The following DUSP15 variants were observed in gnomAD, a reference collection of about 807,000 sequenced individuals.
The protein encoded by DUSP15 is dual specificity protein phosphatase 15.
Under a neutral mutation model 26.3 loss-of-function variants are expected in DUSP15, and 23 were observed. That is an observed-to-expected ratio of 0.87 (90% confidence interval 0.63 to 1.24). The LOEUF (loss-of-function observed/expected upper bound fraction) is 1.24. DUSP15 is among the 50% of genes most tolerant of loss of function. The pLI, the probability that DUSP15 is intolerant of heterozygous loss-of-function variation, is 0.00. For missense variants in DUSP15, 364 were observed against 320.6 expected, an observed-to-expected ratio of 1.14 and a Z score of -1.03; for synonymous variants, 143 against 135.5, an observed-to-expected ratio of 1.06 and a Z score of -0.39.
chr20:31,848,312 C>G, exon 10 of DUSP15: 1 of 1,407,066 alleles, frequency 7.1e-7, no homozygotes, highest in Non-Finnish European at 9.5e-7. Flanking sequence ...TCCGGCAGAC[C>G]TGGGTGATGT....
chr20:31,867,653 T>G (rs1457077787), intron 2 of DUSP15, among the ~76,000 whole-genome samples: 2 of 100,372 alleles, frequency 2.0e-5, no homozygotes, highest in East Asian at 8.9e-4. Flanking sequence ...TTTTTTTTTT[T>G]TTTTTTTTTG....
At chr20:31,860,347 G>A (rs2062623838), downstream of DUSP15, among the ~76,000 whole-genome samples, 1 of 152,186 alleles carries the variant, frequency 6.6e-6, no homozygotes, top group Non-Finnish European at 1.5e-5. Flanking sequence ...AGCTATTTTC[G>A]ATCCCTCTCA....
chr20:31,858,225 C>T (rs1029811096), downstream of DUSP15, among the ~76,000 whole-genome samples: 3 of 152,156 alleles, frequency 2.0e-5, no homozygotes, highest in Non-Finnish European at 2.9e-5. The surrounding 1 kb of genome is among the most constrained non-coding windows in gnomAD (Gnocchi z 4.4). Flanking sequence ...GGGTCTTGCC[C>T]GCATCCTCCC....
exon 10 of DUSP15, chr20:31,848,226 G>C (rs1413955730): frequency 1.6e-5 from 9 of 575,560 alleles, no homozygotes; most frequent in Non-Finnish European, 2.3e-5. Context: ...ATGCCCAGCT[G>C]GGGGGCGGTG....
chr20:31,861,701 G>T, intron 6 of DUSP15, 26 bp from the exon 7 acceptor site: 12 of 1,261,694 alleles, frequency 9.5e-6, no homozygotes, highest in Non-Finnish European at 1.2e-5. Context: ...GAGGTGGGCG[G>T]GGTCAAGGCC....
At chr20:31,861,738 G>GGGGCCCCCCCCCCC in intron 6 of DUSP15, 63 bp from the exon 7 acceptor site, 1 of 1,290,718 alleles carries the variant, frequency 7.7e-7, no homozygotes, top group Non-Finnish European at 1.0e-6. Flanking sequence ...AAGGCAGCCG[G>GGGGCCCCCCCCCCC]CCCCGCCCCC....
chr20:31,851,589 G>C (rs2062471878), intron 6 of DUSP15, among the ~76,000 whole-genome samples: 2 of 152,136 alleles, frequency 1.3e-5, no homozygotes, highest in Non-Finnish European at 2.9e-5. Context: ...AGGAGAGGTA[G>C]AAAAAGGTGG....
rs1305890064 is a variant in DUSP15 at position 31,861,559 on chromosome 20, G to A, written c.552C>T (p.Ser184=). 51 of 1,503,124 alleles carry A rather than the reference G, an allele frequency of 3.4e-5. No homozygotes were observed. The highest frequency in any genetic ancestry group is 4.3e-5 in the Non-Finnish European group (49 of 1,134,302). The allele number at this position is 1,503,124 out of a possible 1,614,324, so 93.1% of individuals were successfully genotyped here. A position where few individuals can be genotyped will look rare whatever the true frequency, so the allele number is the denominator to read the frequency against. ...AGGCTGCTGAGTGCGGCCCGGCGGA[G>A]GAGGCCGAGGTCGCGGAGCCCTGCC... ...RCRQGSATSA[S]SAGPHSAASE... The change falls in exon 7 of 7, where the codon TCC becomes TCT. Residue 184 remains serine (S), a synonymous_variant. Transcript: ENST00000339738.
intron 6 of DUSP15, among the ~76,000 whole-genome samples, chr20:31,853,893 C>T (rs79600770): frequency 2.6e-5 from 4 of 152,170 alleles, no homozygotes; most frequent in South Asian, 2.1e-4. Flanking sequence ...TGTGAGTTAC[C>T]GTGCCCAGCC....
chr20:31,867,974 G>C (rs1423234556), intron 2 of DUSP15, among the ~76,000 whole-genome samples: 1 of 152,208 alleles, frequency 6.6e-6, no homozygotes, highest in Non-Finnish European at 1.5e-5. Context: ...TAAGGATACA[G>C]AATAAGCTTC....
chr20:31,857,180 G>T (rs1211368549), downstream of DUSP15, among the ~76,000 whole-genome samples: 4 of 152,084 alleles, frequency 2.6e-5, no homozygotes, highest in African/African-American at 4.8e-5. Flanking sequence ...TGACTTTGGT[G>T]TTTGGGGTGG....
At chr20:31,852,353 C>T (rs1276654624) in intron 6 of DUSP15, among the ~76,000 whole-genome samples, 5 of 152,170 alleles carry the variant, frequency 3.3e-5, no homozygotes, top group Non-Finnish European at 5.9e-5. Flanking sequence ...GTGGTCTAGG[C>T]GTCCTAAATT....
downstream of DUSP15, among the ~76,000 whole-genome samples, chr20:31,857,709 C>T (rs1163570030): frequency 1.3e-5 from 2 of 152,194 alleles, no homozygotes; most frequent in African/African-American, 4.8e-5. Flanking sequence ...TGGCATGCTC[C>T]CACCATCCTC....
intron 9 of DUSP15, chr20:31,848,738 T>G (rs1600427583): frequency 1.3e-6 from 2 of 1,516,868 alleles, no homozygotes; most frequent in Non-Finnish European, 8.9e-7. Flanking sequence ...CTGGAGGGAG[T>G]GTGGGAAGGG....
intron 3 of DUSP15, among the ~76,000 whole-genome samples, chr20:31,866,654 T>TG (rs1410086299): frequency 2.6e-5 from 4 of 152,164 alleles, no homozygotes; most frequent in African/African-American, 9.7e-5. Context: ...AGCAGCCTTC[T>TG]GGGGGCAGAC....
intron 1 of DUSP15, chr20:31,869,961 G>A: frequency 7.4e-7 from 1 of 1,354,604 alleles, no homozygotes; most frequent in South Asian, 1.8e-5. Flanking sequence ...AGGCAGAGGC[G>A]GGACAGGATG....
chr20:31,848,769 G>A (rs1349052678), intron 9 of DUSP15: 4 of 1,586,372 alleles, frequency 2.5e-6, no homozygotes, highest in Non-Finnish European at 3.4e-6. Flanking sequence ...GGGACTGGAG[G>A]GCGTGCTTCT....
chr20:31,870,485 AGCCACC>A lies in DUSP15; in HGVS notation c.-154_-149del, dbSNP rs1245388104. ...TCCGCGGCCCTGCCCAGCCCTGCCCAGCCACCGCCACCGCCCGCCGACCCCCGGCCC... is the reference window on the plus strand; with the variant it reads ...TCCGCGGCCCTGCCCAGCCCTGCCCAGCCACCGCCCGCCGACCCCCGGCCC... On this transcript the variant is annotated 5_prime_UTR_variant, in exon 1 of 7. Coordinates refer to ENST00000339738, the MANE Select transcript of DUSP15 (RefSeq NM_080611.5). The surrounding 1 kb of genome is among the most constrained non-coding windows in gnomAD (Gnocchi z 6.6). 4.4e-6 allele frequency: 6 copies of A among 1,371,234 alleles called. No individual in the cohort carries two copies. Among genetic ancestry groups the A allele is most frequent in the Non-Finnish European group, 5.6e-6 (6 of 1,066,424 alleles). 84.9% of individuals were successfully genotyped at this position (1,371,234 alleles called of 1,614,324 possible). A position where few individuals can be genotyped will look rare whatever the true frequency, so the allele number is the denominator to read the frequency against.
chr20:31,866,212 C>T (rs1169635893), intron 3 of DUSP15, among the ~76,000 whole-genome samples: 7 of 152,198 alleles, frequency 4.6e-5, no homozygotes, highest in Admixed American at 4.6e-4. Flanking sequence ...GACCTTTTCC[C>T]ACCCATGGTT....
Sources: gnomAD v4.1 joint callset for allele counts (sites outside exome capture counted in the v4.1 genomes callset) on GRCh38, gnomAD v4.1.1 for gene constraint, Gnocchi (gnomAD v3.1) non-coding constraint, MANE v1.5 for transcripts, NCBI Gene and HGNC (gene_info 2026-07-23, HGNC 2026-07-21) for gene names.